Variants in RABGAP1L observed in about 807,000 individuals in gnomAD.
The protein encoded by RABGAP1L is RAB GTPase activating protein 1 like.
Under a neutral mutation model 137.7 loss-of-function variants are expected in RABGAP1L, and 63 were observed. The ratio of observed to expected loss-of-function variants is 0.46; its 90% confidence interval spans 0.37 to 0.56. The LOEUF is 0.56. RABGAP1L is among the 20% of genes least tolerant of loss of function. The pLI, the probability that RABGAP1L is intolerant of heterozygous loss-of-function variation, is 0.00. For missense variants in RABGAP1L, 1,095 were observed against 1,244.0 expected (o/e 0.88, Z 1.80); for synonymous variants, 431 against 433.7 (o/e 0.99, Z 0.08).
At chr1:174,777,403 C>T (rs554708304) in intron 18 of RABGAP1L, among the ~76,000 whole-genome samples, 4 of 152,270 alleles carry the variant, frequency 2.6e-5, no homozygotes, top group Admixed American at 2.6e-4. Flanking sequence ...CAACAGTACC[C>T]CTCATCTCTA....
chr1:174,596,111 C>T (rs968631461), intron 13 of RABGAP1L, among the ~76,000 whole-genome samples: 14 of 132,174 alleles, frequency 1.1e-4, no homozygotes, highest in South Asian at 7.6e-4. Context: ...GGGAGTGACC[C>T]GATTTTCCAG....
intron 19 of RABGAP1L, among the ~76,000 whole-genome samples, chr1:174,816,317 T>C (rs1030716315): frequency 1.3e-5 from 2 of 151,914 alleles, no homozygotes; most frequent in African/African-American, 4.8e-5. Context: ...CACGCCCAGA[T>C]AATGTTCTAT....
intron 17 of RABGAP1L, among the ~76,000 whole-genome samples, chr1:174,719,248 G>A (rs139406573): frequency 1.3e-5 from 2 of 152,164 alleles, no homozygotes; most frequent in African/African-American, 4.8e-5. Flanking sequence ...AGAATTATTA[G>A]CCACTTTAAA....
intron 19 of RABGAP1L, among the ~76,000 whole-genome samples, chr1:174,869,121 T>G (rs1269664448): frequency 6.6e-6 from 1 of 152,172 alleles, no homozygotes; most frequent in African/African-American, 2.4e-5. Flanking sequence ...CTGTACATCA[T>G]TTTTATTAAT....
intron 11 of RABGAP1L, among the ~76,000 whole-genome samples, chr1:174,348,111 AT>A (rs1315575696): frequency 6.7e-6 from 1 of 149,804 alleles, no homozygotes. Context: ...TGTGAAGGTT[AT>A]TTTTTTTGGT....
chr1:174,607,180 C>G (rs1488926712), intron 13 of RABGAP1L, among the ~76,000 whole-genome samples: 3 of 152,086 alleles, frequency 2.0e-5, no homozygotes, highest in Non-Finnish European at 4.4e-5. Flanking sequence ...ACTGTCACCC[C>G]TAAATTTTCT....
chr1:174,874,955 T>C (rs1050483994), intron 19 of RABGAP1L, among the ~76,000 whole-genome samples: 5 of 152,172 alleles, frequency 3.3e-5, no homozygotes, highest in African/African-American at 1.2e-4. Context: ...AAGGTGAAGA[T>C]TGCAAATCAA....
At chr1:174,660,597 G>C (rs74760131) in intron 14 of RABGAP1L, among the ~76,000 whole-genome samples, 1 of 151,968 alleles carries the variant, frequency 6.6e-6, no homozygotes, top group Non-Finnish European at 1.5e-5. Flanking sequence ...ACATTCTTAC[G>C]GTGATTTACC....
At chr1:174,563,783 T>C (rs1261878592) in intron 13 of RABGAP1L, among the ~76,000 whole-genome samples, 1 of 152,168 alleles carries the variant, frequency 6.6e-6, no homozygotes, top group Non-Finnish European at 1.5e-5. Flanking sequence ...ACCTTTTCTG[T>C]TCTGGTCCGC....
intron 4 of RABGAP1L, among the ~76,000 whole-genome samples, chr1:174,240,192 G>A (rs1378513381): frequency 2.6e-5 from 4 of 152,096 alleles, no homozygotes; most frequent in Non-Finnish European, 5.9e-5. Context: ...GGTCTTGAAT[G>A]TGTAGATCAG....
Position 174,448,296 on chromosome 1 carries a change from T to C in RABGAP1L, c.1710+54151T>C, listed in dbSNP as rs1203746021. 3.1e-6 allele frequency: 5 copies of C among 1,613,004 alleles called. No individual in the cohort carries two copies. The highest frequency in any genetic ancestry group is 2.2e-5 in the East Asian group (1 of 44,872). ...ATCATTGCTGGGAATCTAACAGTTA[T>C]CTTTGTCTTTCATTGTGCTCCACTG... On this transcript the variant is annotated intron_variant, in intron 13 of 25. Transcript: ENST00000681986. The surrounding 1 kb of genome is among the most constrained non-coding windows in gnomAD (Gnocchi z 4.2).
intron 19 of RABGAP1L, among the ~76,000 whole-genome samples, chr1:174,885,652 GGC>G (rs373372633): frequency 2.0e-5 from 3 of 151,218 alleles, no homozygotes; most frequent in African/African-American, 7.3e-5. Context: ...TACCACACCT[GGC>G]CTGGTTAACA....
At chr1:174,884,607 G>T (rs1410674098) in intron 19 of RABGAP1L, among the ~76,000 whole-genome samples, 2 of 152,142 alleles carry the variant, frequency 1.3e-5, no homozygotes, top group Non-Finnish European at 2.9e-5. Context: ...ATGAGTTAAG[G>T]TTCTTATAGT....
intron 13 of RABGAP1L, among the ~76,000 whole-genome samples, chr1:174,585,324 C>T (rs1339824567): frequency 1.3e-5 from 2 of 152,172 alleles, no homozygotes; most frequent in East Asian, 1.9e-4. Context: ...TAGGACCCCC[C>T]ACCCAAAGAG....
At chr1:174,988,988 A>G in intron 25 of RABGAP1L, 150 bp downstream of exon 25, 1 of 515,196 alleles carries the variant, frequency 1.9e-6, no homozygotes, top group Non-Finnish European at 3.1e-6. Context: ...CACATTTTAT[A>G]TCATGTATTC....
At chr1:174,323,421 A>G (rs1680182929) in intron 11 of RABGAP1L, among the ~76,000 whole-genome samples, 1 of 152,124 alleles carries the variant, frequency 6.6e-6, no homozygotes, top group Non-Finnish European at 1.5e-5. Flanking sequence ...CACTGAATCT[A>G]TATAACTACA....
chr1:174,210,396 A>T (rs527982871), intron 1 of RABGAP1L, among the ~76,000 whole-genome samples: 1 of 152,334 alleles, frequency 6.6e-6, no homozygotes, highest in African/African-American at 2.4e-5. Flanking sequence ...GATTTAAATA[A>T]TTAAAAAGAA....
chr1:174,941,533 T>A (rs969364186), intron 19 of RABGAP1L, among the ~76,000 whole-genome samples: 1 of 152,146 alleles, frequency 6.6e-6, no homozygotes, highest in Non-Finnish European at 1.5e-5. Context: ...CTGCACAGTG[T>A]CACCCGAGGC....
intron 19 of RABGAP1L, among the ~76,000 whole-genome samples, chr1:174,876,915 A>T (rs994469458): frequency 6.6e-6 from 1 of 151,928 alleles, no homozygotes; most frequent in African/African-American, 2.4e-5. Flanking sequence ...ACTTCAGGAG[A>T]TCACTTGTAC....
Sources: allele counts gnomAD v4.1 joint callset (sites outside exome capture counted in the v4.1 genomes callset), GRCh38; gene constraint gnomAD v4.1.1; non-coding constraint Gnocchi (gnomAD v3.1); transcripts MANE v1.5; gene names NCBI Gene and HGNC (gene_info 2026-07-23, HGNC 2026-07-21).